The following ARPC5L variants were observed in gnomAD, a reference collection of about 807,000 sequenced individuals.
ARPC5L encodes actin related protein 2/3 complex subunit 5 like.
In ARPC5L, 4 loss-of-function variants were observed where a neutral mutation model predicts 16.9. The observed-to-expected ratio is 0.24, with a 90% confidence interval of 0.12 to 0.54. The LOEUF (loss-of-function observed/expected upper bound fraction) is 0.54. Among genes scored for constraint, ARPC5L ranks in the 20% least tolerant of loss-of-function variants. ARPC5L has a pLI of 0.95. For missense variants in ARPC5L, 151 were observed against 201.9 expected, an observed-to-expected ratio of 0.75 and a Z score of 1.53; for synonymous variants, 78 against 82.6, an observed-to-expected ratio of 0.94 and a Z score of 0.30.
rs1393371329 is a variant in ARPC5L at position 124,862,306 on chromosome 9, C to T, written c.-1076C>T. 1.0e-5 allele frequency: 2 copies of T among 193,602 alleles called. No individual in the cohort carries two copies. Among genetic ancestry groups the T allele is most frequent in the Non-Finnish European group, 1.1e-5 (1 of 95,008 alleles). The allele number at this position is 193,602 out of a possible 1,614,324, so 12.0% of individuals were successfully genotyped here. On this transcript the variant is annotated 5_prime_UTR_variant, in exon 1 of 6. Coordinates refer to ENST00000353214, the MANE Select transcript of ARPC5L (RefSeq NM_030978.3). ...AACCTTGCAGATCTCCCAATCTGGG[C>T]AACTCTGAGCTGGGCGCCAGTAGTC...
intron 5 of ARPC5L, among the ~76,000 whole-genome samples, chr9:124,876,273 G>A (rs1247233963): frequency 6.6e-6 from 1 of 152,118 alleles, no homozygotes; most frequent in Non-Finnish European, 1.5e-5. Flanking sequence ...GATGACCTGA[G>A]GTCAGGAGCT....
Position 124,869,344 on chromosome 9 carries a change from T to C in ARPC5L, c.54T>C (p.Phe18=), listed in dbSNP as rs1194739188. The change falls in exon 3 of 6, where the codon TTT becomes TTC. Residue 18 remains phenylalanine (F), a synonymous_variant. Transcript: ENST00000353214. ...SRFRRVDIDE[F]DENKFVDEQE... is the part of the protein sequence containing the mutation. ...TCCGCCGGGTGGACATCGACGAATT[T>C]GACGAGAACAAATTTGTGGACGAGC... 6 of 1,531,346 alleles carry C rather than the reference T, an allele frequency of 3.9e-6. No homozygotes were observed. In the Admixed American group the frequency reaches 1.0e-4, roughly 25 times the overall value. The allele number at this position is 1,531,346 out of a possible 1,614,324, so 94.9% of individuals were successfully genotyped here.
chr9:124,867,959 G>A (rs1220511475), intron 2 of ARPC5L, among the ~76,000 whole-genome samples: 2 of 151,982 alleles, frequency 1.3e-5, no homozygotes, highest in African/African-American at 4.8e-5. Context: ...ACAGGCATGC[G>A]CCAGCACGCC....
At position 124,866,616 on chromosome 9, in the gene ARPC5L, G is replaced by C. The variant is rs148783294; in HGVS notation, c.-863-1812G>C. On this transcript the variant is annotated intron_variant, in intron 2 of 5. Transcript: ENST00000353214. ...CATGCCTGTAATCCCAGCTACTCGG[G>C]AGGCTGAGGCAGAATTGCTTGAACC... Among the ~76,000 whole-genome samples the C allele has an allele frequency of 3.9e-3, 591 of 152,270 alleles. 4 individuals are homozygous for C. The highest frequency in any genetic ancestry group is 0.013 in the African/African-American group (558 of 41,554).
intron 3 of ARPC5L, among the ~76,000 whole-genome samples, chr9:124,871,647 C>T (rs1369864267): frequency 6.6e-6 from 1 of 152,148 alleles, no homozygotes; most frequent in East Asian, 1.9e-4. Context: ...GCACAGGATC[C>T]GAGACCTTGT....
intron 3 of ARPC5L, among the ~76,000 whole-genome samples, chr9:124,870,797 C>T (rs1829345873): frequency 6.6e-6 from 1 of 152,206 alleles, no homozygotes; most frequent in East Asian, 1.9e-4. Flanking sequence ...GAGATCAAGC[C>T]TGTCAGCTGC....
At chr9:124,864,856 G>A (rs1471680945) in intron 2 of ARPC5L, among the ~76,000 whole-genome samples, 1 of 151,326 alleles carries the variant, frequency 6.6e-6, no homozygotes, top group Non-Finnish European at 1.5e-5. Context: ...TGCCCAGGCT[G>A]GAGTGCAATG....
chr9:124,870,496 G>T (rs764371502), intron 3 of ARPC5L, among the ~76,000 whole-genome samples: 2 of 152,172 alleles, frequency 1.3e-5, no homozygotes, highest in Non-Finnish European at 2.9e-5. Context: ...CTTGGAAAGT[G>T]GGGCCTGCTG....
intron 2 of ARPC5L, 51 bp from the exon 3 acceptor site, chr9:124,868,377 G>C (rs1194120236): frequency 6.6e-6 from 1 of 152,150 alleles, no homozygotes; most frequent in Non-Finnish European, 1.5e-5. Flanking sequence ...CACCAAATCT[G>C]GCACCTCAGA....
intron 1 of ARPC5L, among the ~76,000 whole-genome samples, chr9:124,863,453 G>T (rs550437303): frequency 6.6e-6 from 1 of 152,162 alleles, no homozygotes; most frequent in Non-Finnish European, 1.5e-5. Context: ...GGCTAGTACA[G>T]CCTTTTTTAA....
In ARPC5L at chr9:124,869,413, G is replaced by A. The variant is rs1245087688; in HGVS notation, c.123G>A (p.Pro41=). 10 of 1,497,794 alleles carry A rather than the reference G, an allele frequency of 6.7e-6. No individual in the cohort carries two copies. In the African/African-American group the frequency reaches 7.3e-5, roughly 11 times the overall value. 92.8% of individuals were successfully genotyped at this position (1,497,794 alleles called of 1,614,324 possible). A position where few individuals can be genotyped will look rare whatever the true frequency, so the allele number is the denominator to read the frequency against. Residue 41 remains proline (P), a synonymous_variant, in exon 3 of 6, where the codon CCG becomes CCA. Coordinates refer to ENST00000353214, the MANE Select transcript of ARPC5L (RefSeq NM_030978.3). ...AAAAAEPGPD[P]SEVDGLLRQG... is the part of the protein sequence containing the mutation. The stretch of plus-strand genomic sequence containing the variant: ...CGGCGGCGGAGCCAGGCCCGGACCC[G>A]AGCGAGGTGGACGGGCTCCTGCGGC...
At chr9:124,873,986 C>G (rs1305398251) in intron 4 of ARPC5L, among the ~76,000 whole-genome samples, 1 of 152,248 alleles carries the variant, frequency 6.6e-6, no homozygotes, top group Non-Finnish European at 1.5e-5. Context: ...GCCTTCACTC[C>G]TGCTCACGGC....
chr9:124,876,870 C>A lies in ARPC5L; in HGVS notation c.400-8C>A. 1.2e-6 allele frequency: 2 copies of A among 1,609,664 alleles called. No individual in the cohort carries two copies. The highest frequency in any genetic ancestry group is 2.2e-5 in the South Asian group (2 of 90,096). ...CATCTGACACGTTTTCTTTTCCTGC[C>A]CCCACAGGCCTTAGCAGTAGGAGGA... On this transcript the variant is annotated splice_polypyrimidine_tract_variant and splice_region_variant and intron_variant, in intron 5 of 5. Coordinates refer to ENST00000353214, the MANE Select transcript of ARPC5L (RefSeq NM_030978.3).
chr9:124,868,458 G>C lies in ARPC5L; in HGVS notation c.-833G>C, dbSNP rs1829301684. 6.6e-6 allele frequency: 1 copy of C among 152,214 alleles called. No individual in the cohort carries two copies. The highest frequency in any genetic ancestry group is 6.5e-5 in the Admixed American group (1 of 15,284). The allele number at this position is 152,214 out of a possible 1,614,324, so 9.4% of individuals were successfully genotyped here. On this transcript the variant is annotated 5_prime_UTR_variant, in exon 3 of 6. Transcript: ENST00000353214. ...GAGAATTTGGTTTCTGTCAAGATGT[G>C]CCTCTCCAGCCAGGCCTCTCCTGCC...
At chr9:124,864,133 G>A (rs1209963664) in intron 2 of ARPC5L, 26 bp downstream of exon 2, 1 of 152,138 alleles carries the variant, frequency 6.6e-6, no homozygotes, top group Admixed American at 6.6e-5. Flanking sequence ...AGGAGGTGGA[G>A]GGATATGGGG....
intron 5 of ARPC5L, among the ~76,000 whole-genome samples, chr9:124,876,068 C>T (rs1436515963): frequency 2.6e-5 from 4 of 152,084 alleles, no homozygotes; most frequent in African/African-American, 4.8e-5. Context: ...CCTCAGCGGG[C>T]GGCAGTCAGT....
chr9:124,867,080 C>T (rs905468391), intron 2 of ARPC5L, among the ~76,000 whole-genome samples: 10 of 151,820 alleles, frequency 6.6e-5, no homozygotes, highest in Non-Finnish European at 1.2e-4. Context: ...TCTGAGCCTT[C>T]GCTTAGTTGC....
intron 2 of ARPC5L, among the ~76,000 whole-genome samples, chr9:124,867,590 G>A (rs1414024271): frequency 6.6e-6 from 1 of 152,128 alleles, no homozygotes. Flanking sequence ...CATGAGCTGG[G>A]ACATTATTCC....
In ARPC5L at chr9:124,869,042, TG is replaced by T; in HGVS notation, c.-244del. The T allele has an allele frequency of 2.6e-6, 1 of 382,328 alleles. No homozygotes were observed. Among genetic ancestry groups the T allele is most frequent in the East Asian group, 4.2e-5 (1 of 23,934 alleles). The allele number at this position is 382,328 out of a possible 1,614,324, so 23.7% of individuals were successfully genotyped here. On this transcript the variant is annotated 5_prime_UTR_variant, in exon 3 of 6. Coordinates refer to ENST00000353214, the MANE Select transcript of ARPC5L (RefSeq NM_030978.3). ...AGACTCCGTGGAAGGGACACTGAGG[TG>T]GGGGAGGCTGCGGTGATCCCATACC...
Sources: gnomAD v4.1 joint callset for allele counts (sites outside exome capture counted in the v4.1 genomes callset) on GRCh38, gnomAD v4.1.1 for gene constraint, MANE v1.5 for transcripts, NCBI Gene and HGNC (gene_info 2026-07-23, HGNC 2026-07-21) for gene names.